TTC3: variants seen among roughly 807,000 people sequenced by gnomAD.
The protein encoded by TTC3 is tetratricopeptide repeat domain 3, also known as E3 ubiquitin-protein ligase TTC3.
A neutral mutation model predicts 249.6 loss-of-function variants in TTC3; 180 were observed. That is an observed-to-expected ratio of 0.72 (90% CI 0.64 to 0.82). The LOEUF is 0.82. Among genes scored for constraint, TTC3 ranks in the 40% least tolerant of loss-of-function variants. TTC3 has a pLI of 0.00. For synonymous variants in TTC3, 717 were observed against 805.0 expected (o/e 0.89, Z 1.85); for missense variants, 2,061 against 2,398.4 (o/e 0.86, Z 2.94).
At chr21:37,106,321 G>A (rs1208625316) in intron 10 of TTC3, among the ~76,000 whole-genome samples, 1 of 152,170 alleles carries the variant, frequency 6.6e-6, no homozygotes, top group African/African-American at 2.4e-5. Context: ...TCATTGGTCA[G>A]ATATATGTAT....
exon 34 of TTC3, chr21:37,167,588 A>G (rs1207163107): frequency 2.7e-5 from 44 of 1,610,440 alleles, no homozygotes; most frequent in Non-Finnish European, 3.6e-5. Flanking sequence ...AGAAGTCAAT[A>G]CTGAGCCATA....
chr21:37,098,099 C>G, intron 10 of TTC3: 1 of 562,744 alleles, frequency 1.8e-6, no homozygotes, highest in Non-Finnish European at 3.2e-6. Context: ...TTGACACAGT[C>G]TTCCATCAAT....
chr21:37,148,462 C>CT, intron 22 of TTC3, 84 bp from the exon 23 acceptor site: 1 of 591,796 alleles, frequency 1.7e-6, no homozygotes, highest in Non-Finnish European at 2.8e-6. Flanking sequence ...TAGTCAAGCT[C>CT]TCTCTGTCTT....
intron 1 of TTC3, among the ~76,000 whole-genome samples, chr21:37,075,846 A>G (rs2070764817): frequency 6.6e-6 from 1 of 152,206 alleles, no homozygotes; most frequent in South Asian, 2.1e-4. Context: ...GTACCTCTTT[A>G]GTGGCAGGTG....
chr21:37,078,995 G>T (rs1028392169), intron 1 of TTC3, among the ~76,000 whole-genome samples: 4 of 152,128 alleles, frequency 2.6e-5, no homozygotes, highest in Admixed American at 6.5e-5. Context: ...GTTGTCACAT[G>T]CTTTTCTGCA....
intron 8 of TTC3, among the ~76,000 whole-genome samples, chr21:37,094,395 A>G (rs1261021604): frequency 2.0e-5 from 3 of 152,226 alleles, no homozygotes; most frequent in African/African-American, 7.2e-5. Context: ...CTTTAACTCA[A>G]TTTTATAAAA....
intron 36 of TTC3, 65 bp from the exon 37 acceptor site, chr21:37,185,641 C>T: frequency 2.3e-6 from 2 of 854,654 alleles, no homozygotes; most frequent in Non-Finnish European, 3.5e-6. Context: ...GTGCAATTTA[C>T]TGTGTGGGGG....
At chr21:37,189,847 T>A (rs1602119405) in intron 39 of TTC3, among the ~76,000 whole-genome samples, 1 of 151,954 alleles carries the variant, frequency 6.6e-6, no homozygotes, top group Non-Finnish European at 1.5e-5. Context: ...AGTGCTGGGA[T>A]TACAGGAGTG....
intron 10 of TTC3, among the ~76,000 whole-genome samples, chr21:37,106,660 G>T (rs528752982): frequency 6.6e-6 from 1 of 152,340 alleles, no homozygotes; most frequent in Non-Finnish European, 1.5e-5. Flanking sequence ...CAAGGCAGGA[G>T]AATTGCTTGA....
At chr21:37,156,990 T>C (rs1423527211) in intron 28 of TTC3, 84 bp downstream of exon 28, 26 of 1,488,560 alleles carry the variant, frequency 1.7e-5, no homozygotes, top group Non-Finnish European at 2.2e-5. Flanking sequence ...TTTAAATATA[T>C]AACAAAGAAA....
intron 23 of TTC3, among the ~76,000 whole-genome samples, chr21:37,149,169 C>T (rs1224098676): frequency 1.3e-5 from 2 of 152,188 alleles, no homozygotes; most frequent in Admixed American, 6.5e-5. Flanking sequence ...TGTTAATTAC[C>T]ATTAAGTAGA....
In TTC3 at chr21:37,091,783, G is replaced by A. The variant is rs9980122; in HGVS notation, c.601+370G>A. On this transcript the variant is annotated intron_variant, in intron 7 of 45. Coordinates refer to ENST00000355666, the Ensembl canonical transcript of TTC3. ...TTTTTAGTAGAGACAGGGTTTCACC[G>A]TGTTCACCAGGTTGATCTCGATCTC... is the stretch of plus-strand genomic sequence containing the variant. Among the ~76,000 whole-genome samples the A allele has an allele frequency of 6.0e-3, 910 of 152,130 alleles. 3 individuals are homozygous for A. Among genetic ancestry groups the A allele is most frequent in the South Asian group, 0.01 (50 of 4,820 alleles).
Position 37,088,845 on chromosome 21 carries a change from G to T in TTC3, c.385G>T (p.Glu129Ter). 1 of 1,613,776 alleles carries T rather than the reference G, an allele frequency of 6.2e-7. No homozygotes were observed. Among genetic ancestry groups the T allele is most frequent in the South Asian group, 1.1e-5 (1 of 90,930 alleles). The change falls in exon 5 of 46, where the codon GAG becomes TAG. Residue 129 changes from glutamate (E) to a stop codon, truncating the protein, a stop_gained. Transcript: ENST00000355666. LOFTEE classifies it high-confidence loss of function. ...AAATTTGAAGAAACTACAACATCTT[G>T]AGTTGATGGAAGATATTGTGGATTT...
chr21:37,160,154 C>T (rs1310335323), intron 29 of TTC3, among the ~76,000 whole-genome samples: 1 of 151,554 alleles, frequency 6.6e-6, no homozygotes, highest in Non-Finnish European at 1.5e-5. Flanking sequence ...AAAACAGTTC[C>T]AGAGTTGTCT....
intron 27 of TTC3, 144 bp downstream of exon 27, chr21:37,153,421 T>G: frequency 1.2e-6 from 1 of 813,630 alleles, no homozygotes; most frequent in Non-Finnish European, 1.8e-6. Context: ...ACTTTTCCAG[T>G]CCCAGCTACT....
intron 32 of TTC3, 114 bp downstream of exon 32, chr21:37,164,329 G>T: frequency 3.7e-5 from 35 of 954,992 alleles, no homozygotes; most frequent in Non-Finnish European, 4.4e-5. Context: ...TTTACACAAA[G>T]TTAATTTAGG....
chr21:37,187,209 A>G (rs2148178371), intron 38 of TTC3, 64 bp downstream of exon 38: 1 of 1,195,498 alleles, frequency 8.4e-7, no homozygotes, highest in Non-Finnish European at 1.2e-6. Context: ...TTCTTTAATG[A>G]CATATGAGGC....
At chr21:37,184,515 T>C (rs540065084) in intron 36 of TTC3, among the ~76,000 whole-genome samples, 4 of 152,074 alleles carry the variant, frequency 2.6e-5, no homozygotes, top group Non-Finnish European at 5.9e-5. Context: ...AGTGCAATGG[T>C]GCAATCTCAG....
chr21:37,195,543 A>G lies in TTC3; in HGVS notation c.5218-132A>G. 2.4e-6 allele frequency: 3 copies of G among 1,230,678 alleles called. No homozygotes were observed. The South Asian group carries it at 5.0e-5, about 21-fold the overall frequency. 76.2% of individuals were successfully genotyped at this position (1,230,678 alleles called of 1,614,324 possible). A position where few individuals can be genotyped will look rare whatever the true frequency, so the allele number is the denominator to read the frequency against. ...CTTTTAAAACGAAAATATTTAATTC[A>G]TGGTATTCAGGTTTCCTGTGCACGG... On this transcript the variant is annotated intron_variant, in intron 41 of 45. Transcript: ENST00000355666.
Sources: allele counts gnomAD v4.1 joint callset (sites outside exome capture counted in the v4.1 genomes callset), GRCh38; gene constraint gnomAD v4.1.1; transcripts MANE v1.5; gene names NCBI Gene and HGNC (gene_info 2026-07-23, HGNC 2026-07-21).